Variants in FER1L5 observed in about 807,000 individuals in gnomAD.
FER1L5 encodes fer-1 like family member 5, also known as fer-1-like protein 5.
In FER1L5, 187 loss-of-function variants were observed where a neutral mutation model predicts 279.9. The observed-to-expected ratio is 0.67, with a 90% CI of 0.59 to 0.75. The LOEUF is 0.75. Among genes scored for constraint, FER1L5 ranks in the 30% least tolerant of loss-of-function variants. FER1L5 has a pLI of 0.00. For missense variants in FER1L5, 2,091 were observed against 2,594.4 expected (o/e 0.81, Z 4.21); for synonymous variants, 921 against 989.7 (o/e 0.93, Z 1.30).
chr2:96,698,811 G>A lies in FER1L5; in HGVS notation c.4497G>A (p.Gln1499=). The part of the protein sequence containing the change: ...RVYMVRAINL[Q]PQDYNGLCDP... ...ACATGGTACGAGCCATCAACCTGCA[G>A]CCCCAGGACTACAATGGCCTGGTAA... The change falls in exon 41 of 53, where the codon CAG becomes CAA. Residue 1499 remains glutamine, a synonymous_variant. Coordinates refer to ENST00000624922, the MANE Select transcript of FER1L5 (RefSeq NM_001293083.2). The surrounding 1 kb of genome is among the most constrained non-coding windows in gnomAD (Gnocchi z 5.5). The A allele has an allele frequency of 1.3e-6, 2 of 1,563,842 alleles. No homozygotes were observed. Among genetic ancestry groups the A allele is most frequent in the South Asian group, 1.2e-5 (1 of 84,666 alleles).
chr2:96,684,848 G>A (rs940555122), intron 20 of FER1L5, among the ~76,000 whole-genome samples: 5 of 152,150 alleles, frequency 3.3e-5, no homozygotes, highest in African/African-American at 1.2e-4. Flanking sequence ...TTTGTTGGGG[G>A]CTGGGTGGGG....
intron 19 of FER1L5, 74 bp downstream of exon 19, chr2:96,673,328 G>T (rs1339095068): frequency 1.4e-6 from 2 of 1,390,630 alleles, no homozygotes; most frequent in Non-Finnish European, 1.9e-6. Flanking sequence ...TCTCTCAGGG[G>T]TATTAGCTCA....
chr2:96,670,013 C>A (rs1573858380), intron 17 of FER1L5, 106 bp from the exon 18 acceptor site: 1 of 1,434,678 alleles, frequency 7.0e-7, no homozygotes, highest in Non-Finnish European at 9.5e-7. Context: ...AAGCCCCGGG[C>A]AGGCAGTGAC....
intron 18 of FER1L5, among the ~76,000 whole-genome samples, chr2:96,671,169 T>C (rs927624117): frequency 6.8e-6 from 1 of 147,244 alleles, no homozygotes; most frequent in African/African-American, 2.6e-5. Context: ...TGTTAATTCG[T>C]GACCTAGTTT....
At position 96,689,926 on chromosome 2, in the gene FER1L5, T is replaced by C. The variant is rs1190814001; in HGVS notation, c.2640+168T>C. ...CTCAGGCACTCTCTCTCAGCACTGA[T>C]GGGGTGAGGGGTTTGTAGAAATACC... is the stretch of plus-strand genomic sequence containing the variant. On this transcript the variant is annotated intron_variant, in intron 26 of 52. Transcript: ENST00000624922. This position sits in a 1 kb window ranked among gnomAD's most constrained non-coding sequence, Gnocchi z 4.6. 3.3e-5 allele frequency among the ~76,000 whole-genome samples: 5 copies of C among 152,054 alleles called. No individual in the cohort carries two copies. Among genetic ancestry groups the C allele is most frequent in the Non-Finnish European group, 7.4e-5 (5 of 68,000 alleles).
chr2:96,659,471 TTC>T (rs2075844845), intron 9 of FER1L5, among the ~76,000 whole-genome samples: 2 of 29,796 alleles, frequency 6.7e-5, no homozygotes, highest in Non-Finnish European at 5.1e-5. Flanking sequence ...CTTTCTTTCT[TTC>T]TTTCTTTCTT....
intron 20 of FER1L5, 99 bp from the exon 21 acceptor site, chr2:96,685,230 T>G: frequency 1.9e-6 from 2 of 1,028,092 alleles, no homozygotes; most frequent in Non-Finnish European, 1.5e-6. Flanking sequence ...GTTCCCAAGG[T>G]CGTGGCTGAA....
intron 7 of FER1L5, chr2:96,653,079 C>G (rs72941223): frequency 2.7e-4 from 41 of 153,430 alleles, no homozygotes; most frequent in African/African-American, 9.6e-4. Context: ...TAGCCACATG[C>G]AGTGGCAGGT....
At chr2:96,677,121 C>T (rs935181197) in intron 19 of FER1L5, among the ~76,000 whole-genome samples, 4 of 152,238 alleles carry the variant, frequency 2.6e-5, no homozygotes, top group African/African-American at 9.6e-5. Context: ...GGATTACAGG[C>T]GTGGGCCACG....
chr2:96,699,272 T>A (rs1232885211), intron 42 of FER1L5, 136 bp downstream of exon 42: 1 of 933,648 alleles, frequency 1.1e-6, no homozygotes, highest in African/African-American at 1.6e-5. Flanking sequence ...CATGCCCTGG[T>A]GCTCAACAGA....
intron 19 of FER1L5, among the ~76,000 whole-genome samples, chr2:96,681,010 C>T (rs192246986): frequency 3.9e-5 from 6 of 152,336 alleles, no homozygotes; most frequent in South Asian, 2.1e-4. Context: ...AGGCGTGAGC[C>T]GCCGTTGCCC....
At position 96,659,457 on chromosome 2, in the gene FER1L5, C is replaced by CTTTCTTTCT. The variant is rs1558854944; in HGVS notation, c.748-881_748-873dup. Among the ~76,000 whole-genome samples, 2 of 26,454 alleles carry CTTTCTTTCT rather than the reference C, an allele frequency of 7.6e-5. 1 individual carries two copies. The highest frequency in any genetic ancestry group is 1.2e-3 in the Admixed American group (2 of 1,694). The allele number at this position is 26,454 out of a possible 152,430, so 17.4% of individuals were successfully genotyped here. On this transcript the variant is annotated intron_variant, in intron 9 of 52. Transcript: ENST00000624922. The stretch of plus-strand genomic sequence containing the variant: ...TCTTTCTTTCTTTCTTTCTTTCTTT[C>CTTTCTTTCT]TTTCTTTCTTTCTTTCTTTCTTTCT...
At position 96,691,072 on chromosome 2, in the gene FER1L5, G is replaced by A; in HGVS notation, c.2744-118G>A. 1.5e-6 allele frequency: 2 copies of A among 1,306,742 alleles called. No individual in the cohort carries two copies. The highest frequency in any genetic ancestry group is 2.0e-6 in the Non-Finnish European group (2 of 975,750). The allele number at this position is 1,306,742 out of a possible 1,614,324, so 80.9% of individuals were successfully genotyped here. ...CACACTCTCCTTTCCACACCTCAGGGCCAGAGACCTGGATGTGAGGGAAGT... is the reference window on the plus strand; with the variant it reads ...CACACTCTCCTTTCCACACCTCAGGACCAGAGACCTGGATGTGAGGGAAGT... On this transcript the variant is annotated intron_variant, in intron 27 of 52. Coordinates refer to ENST00000624922, the MANE Select transcript of FER1L5 (RefSeq NM_001293083.2). The surrounding 1 kb of genome is among the most constrained non-coding windows in gnomAD (Gnocchi z 6.0).
At chr2:96,678,621 C>T (rs1287284637) in intron 19 of FER1L5, among the ~76,000 whole-genome samples, 10 of 149,066 alleles carry the variant, frequency 6.7e-5, no homozygotes, top group East Asian at 2.0e-4. Context: ...TTAGTAGAGA[C>T]GGAGTTTCTC....
intron 19 of FER1L5, among the ~76,000 whole-genome samples, chr2:96,676,147 T>G (rs910544083): frequency 1.3e-5 from 2 of 152,232 alleles, no homozygotes; most frequent in Non-Finnish European, 2.9e-5. Flanking sequence ...ACCATTTGCC[T>G]GAAAGTAATT....
chr2:96,704,091 C>A, intron 51 of FER1L5, 124 bp from the exon 52 acceptor site: 1 of 1,189,952 alleles, frequency 8.4e-7, no homozygotes, highest in Non-Finnish European at 1.2e-6. Context: ...GCTGGGATTA[C>A]AGGCGTGAGA....
At chr2:96,693,743 G>C in intron 32 of FER1L5, 56 bp downstream of exon 32, 3 of 1,516,490 alleles carry the variant, frequency 2.0e-6, no homozygotes, top group Non-Finnish European at 2.7e-6. Context: ...GAGTGGCTGA[G>C]GGGATTTATT....
chr2:96,686,215 CGTG>C lies in FER1L5; in HGVS notation c.2095_2097del (p.Val699del), dbSNP rs985610087. Reference sequence around the variant, plus strand: ...GGCAGCCCCAGATGGGCCTCCCTGACGTGATGATTTGGCTGGTGGCCAAGGAGC... The same window carrying C: ...GGCAGCCCCAGATGGGCCTCCCTGACATGATTTGGCTGGTGGCCAAGGAGC... On this transcript the variant is annotated inframe_deletion, in exon 23 of 53. Coordinates refer to ENST00000624922, the MANE Select transcript of FER1L5 (RefSeq NM_001293083.2). 1.9e-6 allele frequency: 3 copies of C among 1,551,126 alleles called. No homozygotes were observed. The African/African-American group carries it at 4.1e-5, about 21-fold the overall frequency.
chr2:96,670,893 T>C (rs1166293502), intron 18 of FER1L5, among the ~76,000 whole-genome samples: 1 of 151,176 alleles, frequency 6.6e-6, no homozygotes, highest in Non-Finnish European at 1.5e-5. Context: ...TCACTTGGGG[T>C]CAGGAGTTTG....
Sources: allele counts gnomAD v4.1 joint callset (sites outside exome capture counted in the v4.1 genomes callset), GRCh38; gene constraint gnomAD v4.1.1; non-coding constraint Gnocchi (gnomAD v3.1); transcripts MANE v1.5; gene names NCBI Gene and HGNC (gene_info 2026-07-23, HGNC 2026-07-21).